Variants in AAK1 observed in about 807,000 individuals in gnomAD.
AAK1 encodes AP2 associated kinase 1, also known as AP2-associated protein kinase 1.
In AAK1, 37 loss-of-function variants were observed where a neutral mutation model predicts 116.0. The observed-to-expected ratio is 0.32, with a 90% CI of 0.25 to 0.42. AAK1 has a LOEUF of 0.42. AAK1 is among the 10% of genes least tolerant of loss of function. AAK1 has a pLI of 1.00. For missense variants in AAK1, 919 were observed against 1,170.6 expected, an observed-to-expected ratio of 0.79 and a Z score of 3.14; for synonymous variants, 458 against 439.9, an observed-to-expected ratio of 1.04 and a Z score of -0.51.
chr2:69,574,377 CAAAAAAAAAA>C (rs58486434), intron 2 of AAK1, among the ~76,000 whole-genome samples: 2 of 74,896 alleles, frequency 2.7e-5, no homozygotes, highest in African/African-American at 5.0e-5. Flanking sequence ...GACTCCCTCT[CAAAAAAAAAA>C]AAAAAAAAAA....
At chr2:69,588,569 C>T (rs1279909449) in intron 2 of AAK1, among the ~76,000 whole-genome samples, 1 of 152,214 alleles carries the variant, frequency 6.6e-6, no homozygotes, top group Non-Finnish European at 1.5e-5. Flanking sequence ...CAAAGCAGGC[C>T]TAGTCCTGGA....
intron 6 of AAK1, chr2:69,531,798 T>C: frequency 8.2e-7 from 1 of 1,225,832 alleles, no homozygotes; most frequent in Non-Finnish European, 1.0e-6. Flanking sequence ...CTATGTACAA[T>C]GACCACAGGA....
rs185654586 is a variant in AAK1 at position 69,467,868 on chromosome 2, T to C, written c.*8001A>G. 29 of 985,410 alleles carry C rather than the reference T, an allele frequency of 2.9e-5. No individual in the cohort carries two copies. In the East Asian group the frequency reaches 2.9e-3, roughly 100 times the overall value. 61.0% of individuals were successfully genotyped at this position (985,410 alleles called of 1,614,324 possible). On this transcript the variant is annotated 3_prime_UTR_variant, in exon 22 of 22. Transcript: ENST00000409085. ...GAGAATGTAGAGAGAGGTCTGAACA[T>C]TTTATAAGATACTGTACAAAAATAC...
chr2:69,482,738 A>G lies in AAK1; in HGVS notation c.2440T>C (p.Phe814Leu). The change falls in exon 18 of 22, where the codon TTT becomes CTT. Residue 814 changes from phenylalanine to leucine, a missense_variant. By Grantham distance (22) the Phe-to-Leu change is conservative. This residue lies in a region of AAK1 where 263 missense variants were observed against 285.5 expected (regional missense o/e 0.92). Transcript: ENST00000409085. ...ATTACAGCATCAGAAGTGCTACCAA[A>G]AGGATCTGTCATAGGCAAGAGGTCA... ...LPDLLPMTDP[F>L]GSTSDAVIEK... The G allele has an allele frequency of 6.2e-7, 1 of 1,613,046 alleles. No individual in the cohort carries two copies. The highest frequency in any genetic ancestry group is 8.5e-7 in the Non-Finnish European group (1 of 1,179,002).
rs1277866925 is a variant in AAK1, at chr2:69,485,067, A to G, written c.2366-2255T>C. 2.0e-5 allele frequency among the ~76,000 whole-genome samples: 3 copies of G among 152,150 alleles called. No homozygotes were observed. In the South Asian group the frequency reaches 6.2e-4, roughly 31 times the overall value. On this transcript the variant is annotated intron_variant, in intron 17 of 21. Coordinates refer to ENST00000409085, the MANE Select transcript of AAK1 (RefSeq NM_014911.5). ...CTAATAATTTTCAGCATACTGGTAA[A>G]AATAAGATGGTTTTCCTAAAAAGTC...
chr2:69,557,190 T>A (rs1242926878), intron 2 of AAK1, among the ~76,000 whole-genome samples: 1 of 152,184 alleles, frequency 6.6e-6, no homozygotes, highest in African/African-American at 2.4e-5. Flanking sequence ...TCAGAGAAAT[T>A]GTTCCCAAAC....
rs1443410147 is a variant in AAK1 at position 69,463,007 on chromosome 2, T to C, written c.*12862A>G. 1.3e-5 allele frequency: 2 copies of C among 152,214 alleles called. No individual in the cohort carries two copies. The highest frequency in any genetic ancestry group is 4.8e-5 in the African/African-American group (2 of 41,454). 9.4% of individuals were successfully genotyped at this position (152,214 alleles called of 1,614,324 possible). On this transcript the variant is annotated 3_prime_UTR_variant, in exon 22 of 22. Transcript: ENST00000409085. Reference sequence around the variant, plus strand: ...GGCACAGTGCCAATTATTTATCTTTTGATCAGGACATTTGAAATAGGCAGA... The same window carrying C: ...GGCACAGTGCCAATTATTTATCTTTCGATCAGGACATTTGAAATAGGCAGA...
At chr2:69,541,780 G>A (rs1193932439) in intron 5 of AAK1, among the ~76,000 whole-genome samples, 1 of 152,160 alleles carries the variant, frequency 6.6e-6, no homozygotes, top group Non-Finnish European at 1.5e-5. Context: ...CATGCTAGGG[G>A]ATGCTGATTC....
intron 2 of AAK1, among the ~76,000 whole-genome samples, chr2:69,628,770 T>G (rs1391505326): frequency 6.6e-6 from 1 of 152,154 alleles, no homozygotes; most frequent in African/African-American, 2.4e-5. Flanking sequence ...TCAAGGAAAT[T>G]CTCATCATTG....
Position 69,475,766 on chromosome 2 carries a change from A to G in AAK1, c.*103T>C. The G allele has an allele frequency of 6.7e-7, 1 of 1,489,634 alleles. No homozygotes were observed. The highest frequency in any genetic ancestry group is 1.3e-5 in the South Asian group (1 of 75,670). The allele number at this position is 1,489,634 out of a possible 1,614,324, so 92.3% of individuals were successfully genotyped here. ...GGAGAAAAGGGCTGGAGGGCCCCTT[A>G]TTTGCAGATTTTTTTAAAAAAATCA... is the stretch of plus-strand genomic sequence containing the variant. On this transcript the variant is annotated 3_prime_UTR_variant, in exon 22 of 22. Coordinates refer to ENST00000409085, the MANE Select transcript of AAK1 (RefSeq NM_014911.5).
At position 69,475,214 on chromosome 2, in the gene AAK1, C is replaced by A; in HGVS notation, c.*655G>T. The A allele has an allele frequency of 7.1e-6, 7 of 985,810 alleles. No individual in the cohort carries two copies. Among genetic ancestry groups the A allele is most frequent in the Non-Finnish European group, 8.4e-6 (7 of 829,892 alleles). The allele number at this position is 985,810 out of a possible 1,614,324, so 61.1% of individuals were successfully genotyped here. On this transcript the variant is annotated 3_prime_UTR_variant, in exon 22 of 22. Coordinates refer to ENST00000409085, the MANE Select transcript of AAK1 (RefSeq NM_014911.5). Reference sequence around the variant, plus strand: ...AGCTGGACGAATGCTGGGCAGGTTGCATGGGGTGTAAAATCCCTTGGCTAA... The same window carrying A: ...AGCTGGACGAATGCTGGGCAGGTTGAATGGGGTGTAAAATCCCTTGGCTAA...
At chr2:69,480,777 G>A in intron 19 of AAK1, 83 bp downstream of exon 19, 2 of 1,210,162 alleles carry the variant, frequency 1.7e-6, no homozygotes, top group Non-Finnish European at 1.2e-6. Context: ...ATAAGCCCAG[G>A]AACGACTGAG....
rs1246835948 is a variant in AAK1 at position 69,466,277 on chromosome 2, CTCATCT to C, written c.*9586_*9591del. Reference sequence around the variant, plus strand: ...GCTTCCCCGGGGGGGGTCTGCAGCTCTCATCTTCTTCTTCAGACTCCATAAGGAGAG... The same window carrying C: ...GCTTCCCCGGGGGGGGTCTGCAGCTCTCTTCTTCAGACTCCATAAGGAGAG... On this transcript the variant is annotated 3_prime_UTR_variant, in exon 22 of 22. Transcript: ENST00000409085. 16 of 1,289,734 alleles carry C rather than the reference CTCATCT, an allele frequency of 1.2e-5. No homozygotes were observed. The highest frequency in any genetic ancestry group is 1.6e-5 in the Non-Finnish European group (16 of 988,864). The allele number at this position is 1,289,734 out of a possible 1,614,324, so 79.9% of individuals were successfully genotyped here. A position where few individuals can be genotyped will look rare whatever the true frequency, so the allele number is the denominator to read the frequency against.
intron 8 of AAK1, among the ~76,000 whole-genome samples, chr2:69,528,446 G>C (rs775395037): frequency 6.6e-6 from 1 of 152,178 alleles, no homozygotes; most frequent in African/African-American, 2.4e-5. Context: ...GACAGAGTCT[G>C]TATATACTAT....
intron 9 of AAK1, among the ~76,000 whole-genome samples, chr2:69,525,917 TC>T (rs1311612887): frequency 2.0e-5 from 3 of 151,964 alleles, no homozygotes; most frequent in African/African-American, 7.3e-5. Context: ...CTGCACAGTA[TC>T]CCTCGTTTTA....
intron 2 of AAK1, among the ~76,000 whole-genome samples, chr2:69,592,837 T>C (rs1160264080): frequency 1.3e-5 from 2 of 152,206 alleles, no homozygotes; most frequent in Non-Finnish European, 2.9e-5. Flanking sequence ...CTTACATGAA[T>C]TTTGTACACT....
At chr2:69,561,670 T>C (rs1370022977) in intron 2 of AAK1, among the ~76,000 whole-genome samples, 1 of 152,240 alleles carries the variant, frequency 6.6e-6, no homozygotes, top group Admixed American at 6.5e-5. Context: ...CAACTGTATA[T>C]ACCCGCACGA....
chr2:69,501,671 T>C (rs1291757896), intron 16 of AAK1, among the ~76,000 whole-genome samples: 7 of 152,078 alleles, frequency 4.6e-5, no homozygotes, highest in Non-Finnish European at 1.5e-5. Context: ...TCACCAAATA[T>C]AAGAAAAACA....
intron 12 of AAK1, among the ~76,000 whole-genome samples, chr2:69,515,549 G>A (rs1031454341): frequency 1.3e-5 from 2 of 151,760 alleles, no homozygotes; most frequent in Non-Finnish European, 1.5e-5. Context: ...AGGCTGTCTC[G>A]ACCTCCTGGG....
Sources: gnomAD v4.1 joint callset for allele counts (sites outside exome capture counted in the v4.1 genomes callset) on GRCh38, gnomAD v4.1.1 for gene constraint, gnomAD v4.1.1 regional missense constraint, MANE v1.5 for transcripts, NCBI Gene and HGNC (gene_info 2026-07-23, HGNC 2026-07-21) for gene names.